CSNK2A2IP: variants seen among roughly 807,000 people sequenced by gnomAD.
CSNK2A2IP encodes casein kinase 2 subunit alpha' interacting protein.
the CSNK2A2IP span, among the ~76,000 whole-genome samples, chr3:88,457,291 A>G: frequency 6.6e-6 from 1 of 152,012 alleles, no homozygotes; most frequent in Non-Finnish European, 1.5e-5. Context: ...GGGTTTATGA[A>G]TTTGGGGGAA....
chr3:88,397,856 T>C, the CSNK2A2IP span, among the ~76,000 whole-genome samples: 1 of 152,016 alleles, frequency 6.6e-6, no homozygotes, highest in African/African-American at 2.4e-5. Context: ...GTAAGAAGTG[T>C]CCTGATAATA....
chr3:88,355,825 T>C, the CSNK2A2IP span, among the ~76,000 whole-genome samples: 2 of 152,162 alleles, frequency 1.3e-5, no homozygotes, highest in Non-Finnish European at 2.9e-5. Flanking sequence ...AATGGTCTGT[T>C]TGCTCTTGAA....
At chr3:88,349,115 A>G in the CSNK2A2IP span, among the ~76,000 whole-genome samples, 1 of 152,012 alleles carries the variant, frequency 6.6e-6, no homozygotes. Flanking sequence ...CCAATCTAAT[A>G]AAAATAATAA....
the CSNK2A2IP span, among the ~76,000 whole-genome samples, chr3:88,369,711 C>G: frequency 6.6e-6 from 1 of 151,898 alleles, no homozygotes; most frequent in African/African-American, 2.4e-5. Flanking sequence ...GACAGAATTG[C>G]TTCTGGTGAG....
At chr3:88,379,723 T>C in the CSNK2A2IP span, among the ~76,000 whole-genome samples, 1 of 152,128 alleles carries the variant, frequency 6.6e-6, no homozygotes, top group Non-Finnish European at 1.5e-5. Flanking sequence ...TGCCCCTAAA[T>C]TTGTTAGGGC....
the CSNK2A2IP span, among the ~76,000 whole-genome samples, chr3:88,450,556 T>TCTATGC: frequency 6.6e-6 from 1 of 152,158 alleles, no homozygotes; most frequent in Non-Finnish European, 1.5e-5. Context: ...CTTTCTGTGT[T>TCTATGC]TGGGTTATTT....
At chr3:88,449,850 C>G in the CSNK2A2IP span, among the ~76,000 whole-genome samples, 1 of 86,582 alleles carries the variant, frequency 1.2e-5, no homozygotes, top group Non-Finnish European at 2.7e-5. Context: ...CACACACACA[C>G]ACACATATAT....
At chr3:88,458,141 G>GTTTTTTTTTGTGTTTTT in the CSNK2A2IP span, among the ~76,000 whole-genome samples, 8 of 83,304 alleles carry the variant, frequency 9.6e-5, no homozygotes, top group African/African-American at 3.8e-4. Flanking sequence ...TGTAATTGTG[G>GTTTTTTTTTGTGTTTTT]TTTTTTTTTT....
chr3:88,444,509 T>C, the CSNK2A2IP span, among the ~76,000 whole-genome samples: 1 of 152,224 alleles, frequency 6.6e-6, no homozygotes, highest in Non-Finnish European at 1.5e-5. Flanking sequence ...AGAAGTTTAA[T>C]ATTGCTAGTT....
chr3:88,442,675 C>T, the CSNK2A2IP span, among the ~76,000 whole-genome samples: 1 of 151,924 alleles, frequency 6.6e-6, no homozygotes, highest in African/African-American at 2.4e-5. Flanking sequence ...GAAACTGAGG[C>T]TTACAGAAGT....
the CSNK2A2IP span, among the ~76,000 whole-genome samples, chr3:88,464,907 A>G: frequency 4.9e-3 from 743 of 152,298 alleles, 2 homozygotes; most frequent in African/African-American, 0.017. Context: ...CAGATGATGA[A>G]TGGGGGTTTT....
the CSNK2A2IP span, among the ~76,000 whole-genome samples, chr3:88,413,555 T>C: frequency 6.6e-6 from 1 of 151,954 alleles, no homozygotes; most frequent in African/African-American, 2.4e-5. Flanking sequence ...GAGTGACATA[T>C]ACTTTTAGAA....
chr3:88,438,758 C>T, the CSNK2A2IP span, among the ~76,000 whole-genome samples: 2 of 152,276 alleles, frequency 1.3e-5, no homozygotes, highest in East Asian at 3.9e-4. Context: ...AGTCTTCATT[C>T]TGAAGGATCC....
At chr3:88,445,275 CAAAAAAA>C in the CSNK2A2IP span, among the ~76,000 whole-genome samples, 3 of 47,764 alleles carry the variant, frequency 6.3e-5, no homozygotes, top group Non-Finnish European at 7.8e-5. Context: ...GTAAAAATAC[CAAAAAAA>C]AAAAAAAAAA....
chr3:88,462,985 G>A, the CSNK2A2IP span, among the ~76,000 whole-genome samples: 2 of 152,118 alleles, frequency 1.3e-5, no homozygotes, highest in Non-Finnish European at 2.9e-5. Context: ...GTGAATTATG[G>A]TACTAATAAG....
At chr3:88,374,342 G>A in the CSNK2A2IP span, among the ~76,000 whole-genome samples, 1 of 151,738 alleles carries the variant, frequency 6.6e-6, no homozygotes, top group Admixed American at 6.6e-5. Context: ...ATCAAGTGGA[G>A]TTGCCAGCTG....
chr3:88,440,580 A>G, the CSNK2A2IP span, among the ~76,000 whole-genome samples: 1 of 152,192 alleles, frequency 6.6e-6, no homozygotes. Flanking sequence ...TTGGAAAAGA[A>G]AAAAGTACTT....
At chr3:88,435,534 G>A in the CSNK2A2IP span, among the ~76,000 whole-genome samples, 2 of 152,118 alleles carry the variant, frequency 1.3e-5, no homozygotes, top group African/African-American at 2.4e-5. Context: ...TGAAGAGAGA[G>A]GCAGAGCCAA....
At chr3:88,415,336 G>A in the CSNK2A2IP span, among the ~76,000 whole-genome samples, 1 of 151,950 alleles carries the variant, frequency 6.6e-6, no homozygotes, top group African/African-American at 2.4e-5. Context: ...GATATAGCAG[G>A]ACTTTAGAAT....
Sources: allele counts gnomAD v4.1 joint callset (sites outside exome capture counted in the v4.1 genomes callset), GRCh38; gene constraint gnomAD v4.1.1; transcripts MANE v1.5; gene names NCBI Gene and HGNC (gene_info 2026-07-23, HGNC 2026-07-21).